Variants in INTS4 observed in about 807,000 individuals in gnomAD.
The protein encoded by INTS4 is MSTP093.
INTS4 carries 70 observed loss-of-function variants against 119.5 expected under a neutral mutation model. The observed-to-expected ratio is 0.59, with a 90% CI of 0.48 to 0.71. The LOEUF (loss-of-function observed/expected upper bound fraction) is 0.71. Ranked by LOEUF, INTS4 falls within the 30% of genes least tolerant of loss-of-function variation. The pLI is 0.00. For synonymous variants in INTS4, 316 were observed against 419.6 expected, an observed-to-expected ratio of 0.75 and a Z score of 3.02; for missense variants, 867 against 1,173.2, an observed-to-expected ratio of 0.74 and a Z score of 3.81.
chr11:77,960,651 T>G (rs1475861363), intron 5 of INTS4, among the ~76,000 whole-genome samples: 1 of 152,064 alleles, frequency 6.6e-6, no homozygotes, highest in Non-Finnish European at 1.5e-5. Flanking sequence ...GAAAAAATGA[T>G]TAACACCACC....
rs534622964 is a variant in INTS4 at position 77,944,294 on chromosome 11, C to T, written c.919-3043G>A. On this transcript the variant is annotated intron_variant, in intron 8 of 22. Transcript: ENST00000534064. ...GCTTCTGTTTTCCTCTCCAACTTAC[C>T]TCGTTACAGATCCCCTATATTGAAC... 4.8e-3 allele frequency among the ~76,000 whole-genome samples: 738 copies of T among 152,288 alleles called. 3 individuals are homozygous for T. The highest frequency in any genetic ancestry group is 8.1e-3 in the Non-Finnish European group (548 of 68,008).
chr11:77,922,492 T>C (rs1164219928), intron 12 of INTS4, 21 bp from the exon 13 acceptor site: 5 of 1,104,804 alleles, frequency 4.5e-6, no homozygotes, highest in Non-Finnish European at 6.5e-6. Flanking sequence ...CAAATAAGAA[T>C]GCACATCAAC....
At position 77,920,989 on chromosome 11, in the gene INTS4, G is replaced by A. The variant is rs188081716; in HGVS notation, c.1764+351C>T. On this transcript the variant is annotated intron_variant, in intron 14 of 22. Transcript: ENST00000534064. ...ATAACCCAGGGACACCAAAAAAAAT[G>A]AATCATCTTAAAAGGTAAAGGATAC... is the stretch of plus-strand genomic sequence containing the variant. Among the ~76,000 whole-genome samples, 595 of 151,808 alleles carry A rather than the reference G, an allele frequency of 3.9e-3. 1 individual carries two copies. The highest frequency in any genetic ancestry group is 6.2e-3 in the Non-Finnish European group (421 of 67,938).
At chr11:77,936,108 T>C (rs906778180) in intron 10 of INTS4, among the ~76,000 whole-genome samples, 4 of 151,896 alleles carry the variant, frequency 2.6e-5, no homozygotes, top group Non-Finnish European at 5.9e-5. Flanking sequence ...AAGTGAAATC[T>C]ATAATGTCTG....
intron 21 of INTS4, among the ~76,000 whole-genome samples, chr11:77,886,412 C>T (rs546564639): frequency 1.3e-5 from 2 of 152,148 alleles, no homozygotes; most frequent in African/African-American, 2.4e-5. Flanking sequence ...CTAGATTAGG[C>T]TTACAAGAGT....
At chr11:77,976,348 G>A (rs941993067) in intron 4 of INTS4, among the ~76,000 whole-genome samples, 2 of 152,128 alleles carry the variant, frequency 1.3e-5, no homozygotes, top group Non-Finnish European at 2.9e-5. Context: ...AACATAGCAA[G>A]ACCTTCGTCT....
chr11:77,878,093 T>C (rs370407848), downstream of INTS4, among the ~76,000 whole-genome samples: 21 of 152,274 alleles, frequency 1.4e-4, no homozygotes, highest in African/African-American at 4.8e-4. Flanking sequence ...CAAGGCGCGG[T>C]TGCTCACACT....
At chr11:77,898,699 T>C (rs2136428550) in intron 18 of INTS4, among the ~76,000 whole-genome samples, 1 of 152,342 alleles carries the variant, frequency 6.6e-6, no homozygotes, top group South Asian at 2.1e-4. Flanking sequence ...ATAATGGATG[T>C]GACAGACACT....
chr11:77,919,848 G>A (rs1195319015), intron 14 of INTS4, among the ~76,000 whole-genome samples: 6 of 152,004 alleles, frequency 3.9e-5, no homozygotes, highest in East Asian at 1.9e-4. Context: ...TCGCTCTGTC[G>A]CCCAGGCGGG....
intron 14 of INTS4, among the ~76,000 whole-genome samples, chr11:77,920,224 TATACATAC>T (rs1953315377): frequency 1.0e-5 from 1 of 95,958 alleles, no homozygotes. Flanking sequence ...TATATACACA[TATACATAC>T]ATATATACAT....
At chr11:77,908,790 G>A (rs1299193422) in intron 15 of INTS4, among the ~76,000 whole-genome samples, 1 of 152,052 alleles carries the variant, frequency 6.6e-6, no homozygotes, top group Non-Finnish European at 1.5e-5. Context: ...TTTATTTTCC[G>A]AGTTTTTAAG....
chr11:77,915,839 T>C (rs187080687), intron 15 of INTS4, among the ~76,000 whole-genome samples: 32 of 152,336 alleles, frequency 2.1e-4, no homozygotes, highest in African/African-American at 7.7e-4. Flanking sequence ...CATGATTTAT[T>C]ATCAGTCAAT....
At chr11:77,961,941 T>C (rs1042447578) in intron 4 of INTS4, among the ~76,000 whole-genome samples, 6 of 152,270 alleles carry the variant, frequency 3.9e-5, no homozygotes, top group African/African-American at 1.4e-4. Flanking sequence ...ATGTGGCTTT[T>C]GGTGTACATG....
chr11:77,994,652 G>C lies in INTS4; in HGVS notation c.-9C>G, dbSNP rs762197046. On this transcript the variant is annotated 5_prime_UTR_variant, in exon 1 of 23. Transcript: ENST00000534064. ...TTAAGGTGCGCCGCCATGCCTACCCGCGGGCCCTCTCAGCTTCCGTACACT... is the reference window on the plus strand; with the variant it reads ...TTAAGGTGCGCCGCCATGCCTACCCCCGGGCCCTCTCAGCTTCCGTACACT... The C allele has an allele frequency of 2.5e-6, 4 of 1,614,046 alleles. No homozygotes were observed. The highest frequency in any genetic ancestry group is 2.2e-5 in the East Asian group (1 of 44,876).
rs557035927 is a variant in INTS4 at position 77,894,167 on chromosome 11, G to C, written c.2288+123C>G. 425 of 586,434 alleles carry C rather than the reference G, an allele frequency of 7.2e-4. 2 individuals are homozygous for C. The South Asian group carries it at 7.9e-3, about 11-fold the overall frequency. The allele number at this position is 586,434 out of a possible 1,614,324, so 36.3% of individuals were successfully genotyped here. On this transcript the variant is annotated intron_variant, in intron 19 of 22. Coordinates refer to ENST00000534064, the MANE Select transcript of INTS4 (RefSeq NM_033547.4). The stretch of plus-strand genomic sequence containing the variant: ...ATTTAAGGTTAACGACATGGCCACA[G>C]ATGATAGCTTGGCTGCACAAGCTAA...
chr11:77,927,714 CA>C (rs1953542497), intron 11 of INTS4, among the ~76,000 whole-genome samples: 1 of 152,102 alleles, frequency 6.6e-6, no homozygotes, highest in African/African-American at 2.4e-5. Context: ...GCTGCTATAA[CA>C]GCCTATGATT....
Position 77,880,315 on chromosome 11 carries a change from A to G in INTS4, c.2714-1188T>C, listed in dbSNP as rs768230751. ...CAAGCTTCTCTCTATGGGTCAGAGT[A>G]GAGACTGGATTGCTGTCCTCCAGGA... On this transcript the variant is annotated intron_variant, in intron 22 of 22. Transcript: ENST00000534064. Among the ~76,000 whole-genome samples the G allele has an allele frequency of 1.5e-4, 23 of 152,340 alleles. No homozygotes were observed. In the East Asian group the frequency reaches 1.9e-3, roughly 13 times the overall value.
chr11:77,936,697 G>T (rs769827620), intron 10 of INTS4, among the ~76,000 whole-genome samples: 58 of 152,092 alleles, frequency 3.8e-4, no homozygotes, highest in Non-Finnish European at 7.8e-4. Flanking sequence ...ATCTTGCAAC[G>T]CTCAAAGACA....
At chr11:77,954,560 C>T (rs594271) in intron 8 of INTS4, among the ~76,000 whole-genome samples, 14,814 of 152,190 alleles carry the variant, frequency 0.097, 994 homozygotes, top group Non-Finnish European at 0.15. Context: ...TTTTTGGCAT[C>T]CGGGTTCAGT....
Sources: allele counts gnomAD v4.1 joint callset (sites outside exome capture counted in the v4.1 genomes callset), GRCh38; gene constraint gnomAD v4.1.1; transcripts MANE v1.5; gene names NCBI Gene and HGNC (gene_info 2026-07-23, HGNC 2026-07-21).